The following LARGE1 variants were observed in gnomAD, a reference collection of about 807,000 sequenced individuals.
The protein encoded by LARGE1 is xylosyl- and glucuronyltransferase LARGE1.
A neutral mutation model predicts 87.6 loss-of-function variants in LARGE1; 43 were observed. That is an observed-to-expected ratio of 0.49 (90% CI 0.38 to 0.63). LARGE1 has a LOEUF of 0.63. Ranked by LOEUF, LARGE1 falls within the 30% of genes least tolerant of loss-of-function variation. LARGE1 has a pLI of 0.00. For missense variants in LARGE1, 802 were observed against 1,000.2 expected (o/e 0.80, Z 2.67); for synonymous variants, 434 against 394.6 (o/e 1.10, Z -1.18).
chr22:33,176,623 G>A (rs1341420756), intron 11 of LARGE1, among the ~76,000 whole-genome samples: 1 of 152,188 alleles, frequency 6.6e-6, no homozygotes, highest in East Asian at 1.9e-4. Flanking sequence ...CCTCACTCCA[G>A]TTAGAATGGC....
chr22:33,204,193 G>A (rs1020882635), intron 11 of LARGE1, among the ~76,000 whole-genome samples: 3 of 152,124 alleles, frequency 2.0e-5, no homozygotes, highest in Non-Finnish European at 2.9e-5. Context: ...AGAAGTACCC[G>A]AATTGAGGGG....
At chr22:33,484,025 G>A (rs1003829324) in intron 6 of LARGE1, among the ~76,000 whole-genome samples, 10 of 152,122 alleles carry the variant, frequency 6.6e-5, no homozygotes, top group African/African-American at 2.2e-4. Flanking sequence ...GAAAAGCCGC[G>A]ACACGGGCCT....
intron 11 of LARGE1, among the ~76,000 whole-genome samples, chr22:33,255,051 C>T (rs1927192735): frequency 6.6e-6 from 1 of 151,804 alleles, no homozygotes; most frequent in Non-Finnish European, 1.5e-5. Flanking sequence ...AATTCTCCTG[C>T]CTCAGCCTCC....
intron 14 of LARGE1, among the ~76,000 whole-genome samples, 196 bp downstream of exon 14, chr22:33,276,864 C>G (rs1164791855): frequency 6.6e-6 from 1 of 152,140 alleles, no homozygotes; most frequent in East Asian, 1.9e-4. Flanking sequence ...GGCCAAGAAC[C>G]CAACTCTCAC....
chr22:33,706,335 G>T (rs972983351), intron 2 of LARGE1, among the ~76,000 whole-genome samples: 4 of 152,144 alleles, frequency 2.6e-5, no homozygotes, highest in African/African-American at 9.7e-5. Context: ...GAGGGACCTC[G>T]TCAGGGCCTG....
At chr22:33,154,344 G>A in the LARGE1 span, among the ~76,000 whole-genome samples, 28 of 152,180 alleles carry the variant, frequency 1.8e-4, no homozygotes, top group East Asian at 3.1e-3. Flanking sequence ...AGGTTCAGGC[G>A]ATTCTCCTGC....
chr22:33,913,163 A>G (rs1232016500), intron 1 of LARGE1, among the ~76,000 whole-genome samples: 1 of 152,076 alleles, frequency 6.6e-6, no homozygotes, highest in Non-Finnish European at 1.5e-5. Flanking sequence ...TCTCATACAC[A>G]CCGCCTCTCC....
intron 1 of LARGE1, among the ~76,000 whole-genome samples, chr22:33,896,803 T>C (rs1178828280): frequency 1.3e-5 from 2 of 152,150 alleles, no homozygotes; most frequent in African/African-American, 4.8e-5. Context: ...TTTTCCGTAA[T>C]TAGATACTCA....
chr22:33,433,274 C>T (rs898835448), intron 6 of LARGE1, among the ~76,000 whole-genome samples: 4 of 152,094 alleles, frequency 2.6e-5, no homozygotes, highest in African/African-American at 2.4e-5. Context: ...ATATTTTAGG[C>T]AGGAATTATC....
Position 33,432,082 on chromosome 22 carries a change from A to C in LARGE1, c.892+79T>G, listed in dbSNP as rs16992336. 0.039 allele frequency: 45,826 copies of C among 1,186,520 alleles called. 1,102 individuals carry two copies. Among genetic ancestry groups the C allele is most frequent in the South Asian group, 0.075 (6,067 of 80,868 alleles). The allele number at this position is 1,186,520 out of a possible 1,614,324, so 73.5% of individuals were successfully genotyped here. On this transcript the variant is annotated intron_variant, in intron 7 of 14. Transcript: ENST00000397394. ...AGGTGGCCTCCTCCTGAGCTTTTGC[A>C]ATCTCCTCTCCTGCGGAAGGAGCAC...
At chr22:33,796,789 T>C (rs536611724) in intron 1 of LARGE1, among the ~76,000 whole-genome samples, 1,581 of 131,212 alleles carry the variant, frequency 0.012, 23 homozygotes, top group East Asian at 0.032. Flanking sequence ...TTTTTTTTTT[T>C]CCCCTGAGAT....
At chr22:33,690,438 C>T (rs2082065850) in intron 2 of LARGE1, among the ~76,000 whole-genome samples, 1 of 152,076 alleles carries the variant, frequency 6.6e-6, no homozygotes, top group South Asian at 2.1e-4. Flanking sequence ...CCAGCAACCC[C>T]AGAAATAGGT....
At chr22:33,705,636 T>A (rs2149384795) in intron 2 of LARGE1, among the ~76,000 whole-genome samples, 1 of 152,354 alleles carries the variant, frequency 6.6e-6, no homozygotes, top group Admixed American at 6.5e-5. Flanking sequence ...GGGAGAAGAA[T>A]TTAAGTCCCT....
intron 6 of LARGE1, among the ~76,000 whole-genome samples, chr22:33,475,522 C>A (rs2069038934): frequency 6.6e-6 from 1 of 151,690 alleles, no homozygotes. Context: ...AGTGCAATGG[C>A]ATGACTTAGG....
intron 4 of LARGE1, among the ~76,000 whole-genome samples, chr22:33,605,825 G>A (rs2079238039): frequency 6.6e-6 from 1 of 152,184 alleles, no homozygotes. Context: ...TAAGCACGGG[G>A]CGGAATGTGA....
At chr22:33,392,082 T>C (rs1290845517) in intron 7 of LARGE1, among the ~76,000 whole-genome samples, 1 of 151,708 alleles carries the variant, frequency 6.6e-6, no homozygotes, top group Non-Finnish European at 1.5e-5. Context: ...CACAGGTTAT[T>C]CCTATAACCA....
At chr22:33,612,678 A>G (rs1015010073) in intron 4 of LARGE1, among the ~76,000 whole-genome samples, 1 of 152,220 alleles carries the variant, frequency 6.6e-6, no homozygotes, top group Non-Finnish European at 1.5e-5. Context: ...GGATAAAAAG[A>G]AAAAAAGAGA....
chr22:33,577,552 C>T, intron 5 of LARGE1, among the ~76,000 whole-genome samples: 1 of 152,328 alleles, frequency 6.6e-6, no homozygotes, highest in East Asian at 1.9e-4. Flanking sequence ...CCTTCTTCCA[C>T]TCTTACCTCC....
chr22:33,755,670 C>G (rs551079513), intron 2 of LARGE1, among the ~76,000 whole-genome samples: 1 of 152,224 alleles, frequency 6.6e-6, no homozygotes, highest in South Asian at 2.1e-4. Flanking sequence ...TGAAAGGAGC[C>G]ACGTCCTCAG....
Sources: gnomAD v4.1 joint callset for allele counts (sites outside exome capture counted in the v4.1 genomes callset) on GRCh38, gnomAD v4.1.1 for gene constraint, MANE v1.5 for transcripts, NCBI Gene and HGNC (gene_info 2026-07-23, HGNC 2026-07-21) for gene names.